Variants in MAOB observed in about 807,000 individuals in gnomAD.
MAOB encodes amine oxidase [flavin-containing] B.
In MAOB, 15 loss-of-function variants were observed where a neutral mutation model predicts 41.9. That is an observed-to-expected ratio of 0.36 (90% confidence interval 0.24 to 0.55). The LOEUF is 0.55. Among genes scored for constraint, MAOB ranks in the 20% least tolerant of loss-of-function variants. MAOB has a pLI of 0.86. For missense variants in MAOB, 345 were observed against 398.7 expected (o/e 0.87, Z 1.15); for synonymous variants, 167 against 144.2 (o/e 1.16, Z -1.13).
chrX:43,789,769 A>G (rs2034441557), intron 8 of MAOB, among the ~76,000 whole-genome samples: 1 of 112,298 alleles, frequency 8.9e-6, no homozygotes, highest in Admixed American at 9.4e-5. Flanking sequence ...AGGTGCTCTT[A>G]CCACACACAG....
intron 9 of MAOB, among the ~76,000 whole-genome samples, chrX:43,780,988 C>T (rs1230784522): frequency 1.8e-5 from 2 of 111,329 alleles, no homozygotes; most frequent in Non-Finnish European, 3.8e-5. Flanking sequence ...TCTTCCCTTC[C>T]CACGTGCTGG....
At chrX:43,807,910 C>A (rs1348228953) in intron 3 of MAOB, among the ~76,000 whole-genome samples, 1 of 111,431 alleles carries the variant, frequency 9.0e-6, no homozygotes, top group Non-Finnish European at 1.9e-5. Context: ...ATAAACTGAT[C>A]TTTTGTACTT....
intron 12 of MAOB, among the ~76,000 whole-genome samples, chrX:43,770,462 A>C (rs1177328570): frequency 8.9e-6 from 1 of 111,955 alleles, no homozygotes; most frequent in Admixed American, 9.5e-5. Context: ...CTAACCAGCA[A>C]CAAAGACAAA....
At chrX:43,780,843 C>T (rs1448302223) in intron 9 of MAOB, among the ~76,000 whole-genome samples, 1 of 112,106 alleles carries the variant, frequency 8.9e-6, no homozygotes, top group Middle Eastern at 4.6e-3. Flanking sequence ...CCCATGATTG[C>T]TTTCAACTAA....
At chrX:43,850,845 C>T (rs1198391833) in intron 1 of MAOB, among the ~76,000 whole-genome samples, 1 of 112,079 alleles carries the variant, frequency 8.9e-6, no homozygotes, top group Non-Finnish European at 1.9e-5. Context: ...GCCATAGAAA[C>T]CTTTCTCCAG....
chrX:43,769,702 G>A (rs2034157163), intron 12 of MAOB, among the ~76,000 whole-genome samples: 1 of 111,623 alleles, frequency 9.0e-6, no homozygotes, highest in African/African-American at 3.3e-5. Context: ...CATGAAGTGA[G>A]GGACTGTGTA....
Position 43,838,991 on chromosome X carries a change from T to C in MAOB, c.156A>G (p.Lys52=). Residue 52 remains lysine, a synonymous_variant, in exon 3 of 15, where the codon AAA becomes AAG. Coordinates refer to ENST00000378069, the MANE Select transcript of MAOB (RefSeq NM_000898.5). The part of the protein sequence containing the change: ...RTYTLRNQKV[K]YVDLGGSYVG... ...CATAGGATCCTCCAAGGTCCACATA[T>C]TTAACCTTTTGGTTCTGTTTTCCCA... 1 of 1,176,922 alleles carries C rather than the reference T, an allele frequency of 8.5e-7. No homozygotes were observed. The highest frequency in any genetic ancestry group is 1.1e-6 in the Non-Finnish European group (1 of 879,414).
intron 1 of MAOB, among the ~76,000 whole-genome samples, chrX:43,848,779 C>G (rs984992902): frequency 8.9e-6 from 1 of 111,807 alleles, no homozygotes; most frequent in Non-Finnish European, 1.9e-5. Flanking sequence ...GTCTCGAACA[C>G]CTGACCTCAG....
At chrX:43,869,061 T>C (rs2035383958) in intron 1 of MAOB, among the ~76,000 whole-genome samples, 1 of 111,707 alleles carries the variant, frequency 9.0e-6, no homozygotes, top group African/African-American at 3.3e-5. Flanking sequence ...GGTTGAAAAC[T>C]AGCCCGCAAT....
chrX:43,857,134 G>C (rs1461276782), intron 1 of MAOB, among the ~76,000 whole-genome samples: 1 of 44,881 alleles, frequency 2.2e-5, no homozygotes, highest in African/African-American at 9.2e-5. Context: ...GAGAGAGAGA[G>C]AGAGAGAGAG....
At chrX:43,878,445 TG>T (rs1341478585) in intron 1 of MAOB, among the ~76,000 whole-genome samples, 145 of 93,057 alleles carry the variant, frequency 1.6e-3, no homozygotes, top group African/African-American at 4.8e-3. Flanking sequence ...TGTGTGTGTG[TG>T]GAGACCATGT....
chrX:43,854,497 C>T (rs1185988964), intron 1 of MAOB, among the ~76,000 whole-genome samples: 3 of 110,927 alleles, frequency 2.7e-5, no homozygotes, highest in Non-Finnish European at 5.7e-5. Flanking sequence ...AAACATCACA[C>T]ACCGGGGCCT....
intron 1 of MAOB, among the ~76,000 whole-genome samples, chrX:43,861,257 C>A (rs1010695131): frequency 8.9e-6 from 1 of 112,555 alleles, no homozygotes. Flanking sequence ...TCAATTAATT[C>A]ACCTCAGAAG....
chrX:43,785,143 A>C (rs2034383336), intron 8 of MAOB, among the ~76,000 whole-genome samples: 1 of 113,095 alleles, frequency 8.8e-6, no homozygotes, highest in South Asian at 3.6e-4. Flanking sequence ...GTGAGACTCC[A>C]TCTCAAAACA....
intron 1 of MAOB, chrX:43,844,057 A>T (rs1602021885): frequency 2.5e-6 from 1 of 395,469 alleles, no homozygotes; most frequent in East Asian, 8.9e-5. Flanking sequence ...CATAAATGAG[A>T]ACACAAGGCC....
intron 2 of MAOB, among the ~76,000 whole-genome samples, chrX:43,839,247 T>C (rs2035105388): frequency 8.9e-6 from 1 of 112,041 alleles, no homozygotes; most frequent in Non-Finnish European, 1.9e-5. Flanking sequence ...CCTCATCATT[T>C]ACAATATACC....
intron 5 of MAOB, among the ~76,000 whole-genome samples, chrX:43,800,749 T>C (rs1449999719): frequency 8.9e-6 from 1 of 111,919 alleles, no homozygotes; most frequent in Non-Finnish European, 1.9e-5. Flanking sequence ...TTTAATGATG[T>C]AAAGTTTTTA....
At chrX:43,879,605 T>C (rs1029443031) in intron 1 of MAOB, among the ~76,000 whole-genome samples, 2 of 111,626 alleles carry the variant, frequency 1.8e-5, no homozygotes, top group African/African-American at 6.5e-5. Flanking sequence ...ACGTCCTATC[T>C]TTTCCCAAAA....
Sources: allele counts gnomAD v4.1 joint callset (sites outside exome capture counted in the v4.1 genomes callset), GRCh38; gene constraint gnomAD v4.1.1; transcripts MANE v1.5; gene names NCBI Gene and HGNC (gene_info 2026-07-23, HGNC 2026-07-21).